Variants in NIPAL2 observed in about 807,000 individuals in gnomAD.
NIPAL2 encodes the protein NIPA like domain containing 2.
Under a neutral mutation model 48.9 loss-of-function variants are expected in NIPAL2, and 43 were observed. The ratio of observed to expected loss-of-function variants is 0.88; its 90% CI spans 0.69 to 1.13. NIPAL2 has a LOEUF of 1.13. Ranked by LOEUF, NIPAL2 falls within the 50% of genes most tolerant of loss-of-function variation. The pLI is 0.00. For missense variants in NIPAL2, 446 were observed against 461.4 expected (o/e 0.97, Z 0.31); for synonymous variants, 167 against 174.6 (o/e 0.96, Z 0.34).
chr8:98,196,366 G>T lies in NIPAL2; in HGVS notation c.881-361C>A, dbSNP rs376335194. On this transcript the variant is annotated intron_variant, in intron 8 of 10. Transcript: ENST00000430223. ...GCAGTTTTAGGTCAGGGGTCAGCCAGCCTGGCCTGAGAGTCTGGGTAGACT... is the reference window on the plus strand; with the variant it reads ...GCAGTTTTAGGTCAGGGGTCAGCCATCCTGGCCTGAGAGTCTGGGTAGACT... Among the ~76,000 whole-genome samples, 145 of 152,326 alleles carry T rather than the reference G, an allele frequency of 9.5e-4. 2 individuals carry two copies. In the South Asian group the frequency reaches 0.03, roughly 31 times the overall value.
At chr8:98,261,803 A>C (rs1814353707) in intron 1 of NIPAL2, among the ~76,000 whole-genome samples, 1 of 149,554 alleles carries the variant, frequency 6.7e-6, no homozygotes, top group Non-Finnish European at 1.5e-5. Flanking sequence ...CCTCGAGAAG[A>C]GCAACTCCAA....
At chr8:98,249,355 A>C (rs185390929) in intron 3 of NIPAL2, among the ~76,000 whole-genome samples, 62 of 152,282 alleles carry the variant, frequency 4.1e-4, no homozygotes, top group Non-Finnish European at 7.1e-4. Context: ...AGAGGGAAAG[A>C]AAGCACAGAA....
chr8:98,259,225 C>T (rs540189221), intron 1 of NIPAL2, among the ~76,000 whole-genome samples: 39 of 150,596 alleles, frequency 2.6e-4, no homozygotes, highest in Middle Eastern at 3.4e-3. Flanking sequence ...TACAGGCGCG[C>T]GCCACCATGC....
At chr8:98,248,179 T>G (rs986871950) in intron 3 of NIPAL2, among the ~76,000 whole-genome samples, 2 of 152,132 alleles carry the variant, frequency 1.3e-5, no homozygotes, top group Non-Finnish European at 2.9e-5. Context: ...GCTACTTAAT[T>G]AGATGAAAAA....
chr8:98,211,379 T>C (rs575604388), intron 6 of NIPAL2, among the ~76,000 whole-genome samples: 1 of 152,334 alleles, frequency 6.6e-6, no homozygotes, highest in African/African-American at 2.4e-5. Flanking sequence ...GAAACAAATA[T>C]AAAGTTCTCT....
At chr8:98,252,428 T>A in intron 3 of NIPAL2, 35 bp downstream of exon 3, 1 of 1,536,530 alleles carries the variant, frequency 6.5e-7, no homozygotes. Flanking sequence ...TTCTGCTCTT[T>A]AAGTTTCTAT....
At chr8:98,258,518 T>C (rs185851825) in intron 1 of NIPAL2, among the ~76,000 whole-genome samples, 2 of 152,286 alleles carry the variant, frequency 1.3e-5, no homozygotes, top group African/African-American at 4.8e-5. Context: ...CAACTAAATA[T>C]GGCCTGAGAA....
At chr8:98,217,140 A>C (rs1276767287) in intron 5 of NIPAL2, 21 of 985,288 alleles carry the variant, frequency 2.1e-5, no homozygotes, top group Non-Finnish European at 2.3e-5. Flanking sequence ...TAGTGAGTGC[A>C]CTTTATTCTT....
intron 1 of NIPAL2, among the ~76,000 whole-genome samples, chr8:98,280,000 G>A (rs1252863467): frequency 6.6e-6 from 1 of 152,184 alleles, no homozygotes; most frequent in African/African-American, 2.4e-5. Flanking sequence ...TATTTTAATT[G>A]TATTTGGAAT....
At chr8:98,229,439 C>T (rs1252596100) in intron 4 of NIPAL2, among the ~76,000 whole-genome samples, 2 of 152,212 alleles carry the variant, frequency 1.3e-5, no homozygotes, top group African/African-American at 4.8e-5. Context: ...GTGATGCAAT[C>T]ATAGCTCACT....
At chr8:98,229,422 G>C in intron 4 of NIPAL2, among the ~76,000 whole-genome samples, 1 of 152,174 alleles carries the variant, frequency 6.6e-6, no homozygotes, top group Admixed American at 6.5e-5. Flanking sequence ...ACCCATGCTG[G>C]AGTACAGTGA....
intron 6 of NIPAL2, among the ~76,000 whole-genome samples, chr8:98,211,131 A>G (rs1288166840): frequency 1.3e-5 from 2 of 152,158 alleles, no homozygotes; most frequent in Non-Finnish European, 1.5e-5. Flanking sequence ...TTTCAGAATC[A>G]TTTTCAAAAT....
intron 1 of NIPAL2, among the ~76,000 whole-genome samples, chr8:98,266,093 G>C (rs930305097): frequency 7.3e-5 from 10 of 136,144 alleles, no homozygotes; most frequent in African/African-American, 2.5e-4. Context: ...GAGATCACAT[G>C]GACACAGGAA....
At chr8:98,280,582 T>C (rs1815744882) in intron 1 of NIPAL2, among the ~76,000 whole-genome samples, 1 of 151,614 alleles carries the variant, frequency 6.6e-6, no homozygotes, top group African/African-American at 2.4e-5. Context: ...TGGAGTTGTT[T>C]TGCATTTGTA....
At chr8:98,233,621 G>C (rs901754840) in intron 4 of NIPAL2, among the ~76,000 whole-genome samples, 2 of 152,160 alleles carry the variant, frequency 1.3e-5, no homozygotes, top group African/African-American at 2.4e-5. Context: ...GAAGTTATGA[G>C]AGTCAGTTTA....
chr8:98,294,189 C>T lies in NIPAL2; in HGVS notation c.-52G>A, dbSNP rs943693346. The T allele has an allele frequency of 7.8e-7, 1 of 1,287,648 alleles. No individual in the cohort carries two copies. Among genetic ancestry groups the T allele is most frequent in the Non-Finnish European group, 9.8e-7 (1 of 1,019,360 alleles). 79.8% of individuals were successfully genotyped at this position (1,287,648 alleles called of 1,614,324 possible). A position where few individuals can be genotyped will look rare whatever the true frequency, so the allele number is the denominator to read the frequency against. On this transcript the variant is annotated 5_prime_UTR_variant, in exon 1 of 11. Coordinates refer to ENST00000430223, the MANE Select transcript of NIPAL2 (RefSeq NM_001321635.2). Reference sequence around the variant, plus strand: ...CCGGCTCGGGCTGCGGCCGCCTCCCCGCCCTGTTGCACCGCGAGGAGGCCG... The same window carrying T: ...CCGGCTCGGGCTGCGGCCGCCTCCCTGCCCTGTTGCACCGCGAGGAGGCCG...
chr8:98,231,467 T>C (rs919624773), intron 4 of NIPAL2, among the ~76,000 whole-genome samples: 1 of 152,206 alleles, frequency 6.6e-6, no homozygotes. Context: ...CTGACTGTCA[T>C]TTTTATTTCC....
At chr8:98,232,207 G>C (rs758309062) in intron 4 of NIPAL2, among the ~76,000 whole-genome samples, 5 of 151,938 alleles carry the variant, frequency 3.3e-5, no homozygotes, top group Non-Finnish European at 7.4e-5. Context: ...TGGAGGCAAG[G>C]GTATAGAATA....
chr8:98,253,258 A>G (rs1350328604), intron 2 of NIPAL2, among the ~76,000 whole-genome samples: 1 of 152,206 alleles, frequency 6.6e-6, no homozygotes, highest in East Asian at 1.9e-4. Context: ...GTTCAGTATT[A>G]GCTCTCGTTT....
Sources: gnomAD v4.1 joint callset for allele counts (sites outside exome capture counted in the v4.1 genomes callset) on GRCh38, gnomAD v4.1.1 for gene constraint, MANE v1.5 for transcripts, NCBI Gene and HGNC (gene_info 2026-07-23, HGNC 2026-07-21) for gene names.